Variants in RGS6 observed in about 807,000 individuals in gnomAD.
The protein encoded by RGS6 is regulator of G protein signaling 6, also known as regulator of G-protein signaling 6.
A neutral mutation model predicts 78.5 loss-of-function variants in RGS6; 30 were observed. The ratio of observed to expected loss-of-function variants is 0.38; its 90% CI spans 0.29 to 0.52. The LOEUF (loss-of-function observed/expected upper bound fraction) is 0.52, where lower values mean the gene tolerates loss of function less well. Ranked by LOEUF, RGS6 falls within the 20% of genes least tolerant of loss-of-function variation. RGS6 has a pLI of 0.85. For synonymous variants in RGS6, 206 were observed against 206.0 expected (o/e 1.00, Z 0.00); for missense variants, 495 against 609.7 (o/e 0.81, Z 1.98).
rs141114996 is a variant in RGS6, at chr14:71,993,496, C to T, written c.84+28621C>T. Reference sequence around the variant, plus strand: ...AATGCTTTATTTTATATTATTTCATCGGATCTTTGTGATAATCTTATGTCA... The same window carrying T: ...AATGCTTTATTTTATATTATTTCATTGGATCTTTGTGATAATCTTATGTCA... On this transcript the variant is annotated intron_variant, in intron 2 of 17. Transcript: ENST00000553525. 3.3e-3 allele frequency among the ~76,000 whole-genome samples: 505 copies of T among 152,228 alleles called. 3 individuals are homozygous for T. Among genetic ancestry groups the T allele is most frequent in the African/African-American group, 0.012 (491 of 41,544 alleles).
intron 2 of RGS6, among the ~76,000 whole-genome samples, chr14:72,035,413 T>G (rs1156373394): frequency 6.6e-6 from 1 of 152,138 alleles, no homozygotes; most frequent in East Asian, 1.9e-4. Flanking sequence ...CTATTGGTCT[T>G]TAAAAAAACT....
At chr14:72,386,469 C>G (rs192103743) in intron 3 of RGS6, among the ~76,000 whole-genome samples, 4 of 152,226 alleles carry the variant, frequency 2.6e-5, no homozygotes, top group Admixed American at 6.5e-5. Context: ...ACCCTGAAGG[C>G]GGATGTTGCA....
At chr14:72,328,464 G>A (rs763811117) in intron 2 of RGS6, among the ~76,000 whole-genome samples, 12 of 152,206 alleles carry the variant, frequency 7.9e-5, no homozygotes, top group African/African-American at 1.7e-4. Flanking sequence ...CTACTTTCAC[G>A]GTCTACACAA....
chr14:72,176,985 G>T (rs1004969550), intron 2 of RGS6, among the ~76,000 whole-genome samples: 1 of 152,084 alleles, frequency 6.6e-6, no homozygotes, highest in Non-Finnish European at 1.5e-5. Context: ...TAAATGAAAT[G>T]ATATGTGTAC....
chr14:72,589,544 T>G, the RGS6 span, among the ~76,000 whole-genome samples: 1 of 152,140 alleles, frequency 6.6e-6, no homozygotes, highest in Non-Finnish European at 1.5e-5. Flanking sequence ...AATGAGACGC[T>G]GTCTCAAAAG....
chr14:72,463,567 G>C (rs1249040608), intron 6 of RGS6, among the ~76,000 whole-genome samples: 1 of 152,174 alleles, frequency 6.6e-6, no homozygotes, highest in South Asian at 2.1e-4. Flanking sequence ...TTTTGACCCC[G>C]CTTACCCATT....
chr14:71,893,819 A>G, the RGS6 span, among the ~76,000 whole-genome samples: 5 of 152,210 alleles, frequency 3.3e-5, no homozygotes, highest in Admixed American at 6.5e-5. Flanking sequence ...TATAGGACAC[A>G]AAGACAATTT....
intron 2 of RGS6, among the ~76,000 whole-genome samples, chr14:72,098,194 G>T (rs1328346980): frequency 6.6e-6 from 1 of 152,172 alleles, no homozygotes; most frequent in Non-Finnish European, 1.5e-5. Context: ...TCGGGGTCTG[G>T]TTTGGGACCC....
rs112370088 is a variant in RGS6, at chr14:72,328,508, C to T, written c.85-23587C>T. Among the ~76,000 whole-genome samples, 1,362 of 152,296 alleles carry T rather than the reference C, an allele frequency of 8.9e-3. 11 individuals carry two copies. The highest frequency in any genetic ancestry group is 0.024 in the South Asian group (115 of 4,824). ...GGAGATGAAACAATGGCCCAAATCA[C>T]TAGATCACCAAGCCATTTAGGAGAA... On this transcript the variant is annotated intron_variant, in intron 2 of 17. Coordinates refer to ENST00000553525, the MANE Select transcript of RGS6 (RefSeq NM_001204424.2).
chr14:72,265,584 C>A (rs2058907527), intron 2 of RGS6, among the ~76,000 whole-genome samples: 1 of 152,162 alleles, frequency 6.6e-6, no homozygotes, highest in Non-Finnish European at 1.5e-5. Flanking sequence ...CCCATTAACT[C>A]TACCATCACC....
intron 2 of RGS6, among the ~76,000 whole-genome samples, chr14:72,065,684 C>G (rs760129454): frequency 1.3e-5 from 2 of 152,130 alleles, no homozygotes; most frequent in East Asian, 3.8e-4. Context: ...TCTCCTTAAC[C>G]CAGAGGGTTT....
At chr14:72,260,028 T>C (rs2153882314) in intron 2 of RGS6, among the ~76,000 whole-genome samples, 1 of 152,264 alleles carries the variant, frequency 6.6e-6, no homozygotes, top group East Asian at 1.9e-4. Flanking sequence ...CCATTCCAAT[T>C]GCTCTTTAAT....
At chr14:72,537,534 G>A (rs2097266636) in intron 16 of RGS6, 1 of 702,352 alleles carries the variant, frequency 1.4e-6, no homozygotes, top group Non-Finnish European at 2.6e-6. Context: ...CTACTGTGAT[G>A]GGCAGTGTGG....
chr14:72,040,273 C>T (rs1322749183), intron 2 of RGS6, among the ~76,000 whole-genome samples: 3 of 152,066 alleles, frequency 2.0e-5, no homozygotes, highest in Non-Finnish European at 4.4e-5. Context: ...AGGATCCTTT[C>T]ATTTGAAGGA....
At chr14:71,931,962 G>C (rs970751265), upstream of RGS6, among the ~76,000 whole-genome samples, 2 of 152,212 alleles carry the variant, frequency 1.3e-5, no homozygotes, top group Non-Finnish European at 2.9e-5. Flanking sequence ...GACGGTCGCG[G>C]TGTCCCGTTT....
the RGS6 span, among the ~76,000 whole-genome samples, chr14:71,877,979 G>A: frequency 6.6e-6 from 1 of 152,198 alleles, no homozygotes; most frequent in Non-Finnish European, 1.5e-5. Context: ...GGTATCACCA[G>A]CAGAGGCAGC....
chr14:72,059,545 A>G (rs779721989), intron 2 of RGS6, among the ~76,000 whole-genome samples: 3 of 152,228 alleles, frequency 2.0e-5, no homozygotes, highest in Non-Finnish European at 4.4e-5. Context: ...TTTAGAACAC[A>G]TGCTTCAGAG....
At chr14:72,255,107 G>T (rs768466591) in intron 2 of RGS6, among the ~76,000 whole-genome samples, 23 of 152,200 alleles carry the variant, frequency 1.5e-4, no homozygotes, top group Non-Finnish European at 2.2e-4. Context: ...GGAGATGGGG[G>T]ATGGTAGGGA....
intron 2 of RGS6, among the ~76,000 whole-genome samples, chr14:72,104,451 T>A (rs1052165900): frequency 3.3e-5 from 5 of 152,230 alleles, no homozygotes; most frequent in African/African-American, 1.2e-4. Context: ...GCTCATAACT[T>A]TTATGCATTT....
Sources: gnomAD v4.1 joint callset for allele counts (sites outside exome capture counted in the v4.1 genomes callset) on GRCh38, gnomAD v4.1.1 for gene constraint, MANE v1.5 for transcripts, NCBI Gene and HGNC (gene_info 2026-07-23, HGNC 2026-07-21) for gene names.